Variants in GPT2 observed in about 807,000 individuals in gnomAD.
GPT2 encodes the protein glutamic--pyruvic transaminase 2, also known as alanine aminotransferase 2.
Under a neutral mutation model 56.9 loss-of-function variants are expected in GPT2, and 30 were observed. The observed-to-expected ratio is 0.53, with a 90% confidence interval of 0.39 to 0.72. The LOEUF is 0.72. Among genes scored for constraint, GPT2 ranks in the 30% least tolerant of loss-of-function variants. The pLI, the probability that GPT2 is intolerant of heterozygous loss-of-function variation, is 0.00. For synonymous variants in GPT2, 271 were observed against 283.1 expected (o/e 0.96, Z 0.43); for missense variants, 542 against 703.4 (o/e 0.77, Z 2.60).
At chr16:46,912,856 G>A (rs192118070) in intron 6 of GPT2, among the ~76,000 whole-genome samples, 17 of 152,344 alleles carry the variant, frequency 1.1e-4, no homozygotes, top group African/African-American at 3.8e-4. Context: ...TGTGAGATTT[G>A]GGTGGGGACA....
chr16:46,885,700 GC>G, intron 2 of GPT2: 1 of 213,598 alleles, frequency 4.7e-6, no homozygotes, highest in Non-Finnish European at 8.0e-6. Context: ...TGTAAGGTGA[GC>G]CCACAGCCAG....
chr16:46,920,932 C>G (rs1015401788), intron 8 of GPT2, among the ~76,000 whole-genome samples: 1 of 152,170 alleles, frequency 6.6e-6, no homozygotes, highest in Admixed American at 6.5e-5. Context: ...GATCCTGAGT[C>G]GTGCCCGGTG....
intron 2 of GPT2, among the ~76,000 whole-genome samples, chr16:46,892,073 T>C (rs563051827): frequency 2.7e-4 from 41 of 152,354 alleles, no homozygotes; most frequent in African/African-American, 8.2e-4. Flanking sequence ...TTGCCACATA[T>C]GCACTCCCCC....
At chr16:46,914,136 G>C (rs562876181) in intron 6 of GPT2, among the ~76,000 whole-genome samples, 34 of 152,274 alleles carry the variant, frequency 2.2e-4, no homozygotes, top group African/African-American at 8.2e-4. Flanking sequence ...AGGAAATACC[G>C]AGGGAAGGTC....
intron 6 of GPT2, chr16:46,916,324 T>A: frequency 4.8e-6 from 1 of 206,710 alleles, no homozygotes; most frequent in Non-Finnish European, 1.0e-5. Context: ...CCAGCCTGGG[T>A]GACAGAGCGA....
rs758926783 is a variant in GPT2 at position 46,918,710 on chromosome 16, C to G, written c.990C>G (p.Asn330Lys). The G allele has an allele frequency of 1.2e-6, 2 of 1,614,194 alleles. No homozygotes were observed. Among genetic ancestry groups the G allele is most frequent in the East Asian group, 4.5e-5 (2 of 44,882 alleles). The change falls in exon 8 of 12, where the codon AAC (asparagine) becomes AAG (lysine). Residue 330 changes from asparagine (N) to lysine (K), a missense_variant. Coordinates refer to ENST00000340124, the MANE Select transcript of GPT2 (RefSeq NM_133443.4). ...AGATGGGGCCCGAGTACTCCAGCAA[C>G]GTGGAGCTCGCCTCCTTCCACTCCA... ...LYEMGPEYSS[N>K]VELASFHSTS... is the part of the protein sequence containing the mutation.
rs748963064 is a variant in GPT2, at chr16:46,918,736, C to T, written c.1016C>T (p.Thr339Ile). The change falls in exon 8 of 12, where the codon ACC (threonine) becomes ATC (isoleucine). Residue 339 changes from threonine to isoleucine, a missense_variant. Transcript: ENST00000340124. ...SNVELASFHS[T>I]SKGYMGECGY... ...GTGGAGCTCGCCTCCTTCCACTCCA[C>T]CTCCAAGGGCTACATGGGCGAGTAC... 4 of 1,614,150 alleles carry T rather than the reference C, an allele frequency of 2.5e-6. No individual in the cohort carries two copies. Among genetic ancestry groups the T allele is most frequent in the South Asian group, 1.1e-5 (1 of 91,086 alleles).
At position 46,897,608 on chromosome 16, in the gene GPT2, G is replaced by C. The variant is rs1444573837; in HGVS notation, c.244-40G>C. On this transcript the variant is annotated intron_variant, in intron 2 of 11. Transcript: ENST00000340124. ...CTGGCCTCTGGAATCCAGGGTTTAA[G>C]AGTTTCTAAGTAACCACCTGTTGCT... is the stretch of plus-strand genomic sequence containing the variant. 19 of 1,587,752 alleles carry C rather than the reference G, an allele frequency of 1.2e-5. 1 individual carries two copies. In the South Asian group the frequency reaches 2.1e-4, roughly 18 times the overall value.
At position 46,924,418 on chromosome 16, in the gene GPT2, C is replaced by T; in HGVS notation, c.1242C>T (p.Ala414=). The T allele has an allele frequency of 6.2e-7, 1 of 1,614,112 alleles. No individual in the cohort carries two copies. Among genetic ancestry groups the T allele is most frequent in the Non-Finnish European group, 8.5e-7 (1 of 1,180,016 alleles). The change falls in exon 10 of 12, where the codon GCC becomes GCT. Residue 414 remains alanine (A), a synonymous_variant. Transcript: ENST00000340124. The part of the protein sequence containing the change: ...REKESVLGNL[A]KKAKLTEDLF... ...AGGAGTCGGTCCTGGGTAATCTGGC[C>T]AAAAAAGCAAAGCTGACGGAAGACC...
intron 6 of GPT2, among the ~76,000 whole-genome samples, chr16:46,914,409 G>A (rs971281825): frequency 2.6e-5 from 4 of 152,302 alleles, no homozygotes; most frequent in South Asian, 4.1e-4. Flanking sequence ...GGTGGCTTAC[G>A]CCTGTAGTTT....
intron 2 of GPT2, among the ~76,000 whole-genome samples, chr16:46,888,761 T>C (rs911571245): frequency 1.3e-5 from 2 of 151,748 alleles, no homozygotes; most frequent in East Asian, 3.9e-4. Context: ...GCCATCCTCC[T>C]ACCTCAGTCT....
At chr16:46,914,408 C>G (rs1022664166) in intron 6 of GPT2, among the ~76,000 whole-genome samples, 2 of 152,168 alleles carry the variant, frequency 1.3e-5, no homozygotes, top group African/African-American at 4.8e-5. Context: ...TGGTGGCTTA[C>G]GCCTGTAGTT....
chr16:46,917,521 C>T (rs1961192808), intron 7 of GPT2, among the ~76,000 whole-genome samples: 1 of 152,186 alleles, frequency 6.6e-6, no homozygotes, highest in Non-Finnish European at 1.5e-5. Flanking sequence ...AGGGTCTGCT[C>T]ATTCTTTTTC....
chr16:46,918,816 G>T (rs974819990), intron 8 of GPT2, 59 bp downstream of exon 8: 1 of 1,596,120 alleles, frequency 6.3e-7, no homozygotes. Context: ...CACGCTGCCG[G>T]CTCCTCTGCC....
chr16:46,918,369 T>C (rs1251847379), intron 7 of GPT2, among the ~76,000 whole-genome samples: 1 of 152,052 alleles, frequency 6.6e-6, no homozygotes. Flanking sequence ...AGTCTGGGGA[T>C]TGGGTGGGGA....
chr16:46,884,946 C>T lies in GPT2; in HGVS notation c.231C>T (p.Leu77=), dbSNP rs748389819. The change falls in exon 2 of 12, where the codon CTC becomes CTT. Residue 77 remains leucine, a synonymous_variant. Coordinates refer to ENST00000340124, the MANE Select transcript of GPT2 (RefSeq NM_133443.4). ...PIVLKAGEIE[L]ELQRGIKKPF... ...TGCTCAAGGCCGGCGAGATCGAGCT[C>T]GAGCTGCAGCGGGTGAGCGCGCGCT... 20 of 1,514,944 alleles carry T rather than the reference C, an allele frequency of 1.3e-5. No homozygotes were observed. The highest frequency in any genetic ancestry group is 2.1e-5 in the Admixed American group (1 of 46,950). 93.8% of individuals were successfully genotyped at this position (1,514,944 alleles called of 1,614,324 possible). A position where few individuals can be genotyped will look rare whatever the true frequency, so the allele number is the denominator to read the frequency against.
intron 7 of GPT2, among the ~76,000 whole-genome samples, chr16:46,917,629 GCC>G (rs1160563083): frequency 6.6e-6 from 1 of 151,940 alleles, no homozygotes; most frequent in African/African-American, 2.4e-5. Context: ...CTAGCCCGCT[GCC>G]TTCATTTCTT....
chr16:46,921,022 A>C (rs1234850815), intron 8 of GPT2, among the ~76,000 whole-genome samples: 1 of 152,040 alleles, frequency 6.6e-6, no homozygotes, highest in Non-Finnish European at 1.5e-5. Context: ...TTAAGCAGAA[A>C]GTTCTTTCTT....
chr16:46,902,633 T>A (rs1960840714), intron 4 of GPT2, among the ~76,000 whole-genome samples: 1 of 152,090 alleles, frequency 6.6e-6, no homozygotes, highest in South Asian at 2.1e-4. Context: ...GAGATTTTAT[T>A]TATTTTTTTG....
Sources: gnomAD v4.1 joint callset for allele counts (sites outside exome capture counted in the v4.1 genomes callset) on GRCh38, gnomAD v4.1.1 for gene constraint, MANE v1.5 for transcripts, NCBI Gene and HGNC (gene_info 2026-07-23, HGNC 2026-07-21) for gene names.